The following HMGCL variants were observed in gnomAD, a reference collection of about 807,000 sequenced individuals.
The protein encoded by HMGCL is 3-hydroxy-3-methylglutaryl-CoA lyase, also known as hydroxymethylglutaryl-CoA lyase, mitochondrial.
HMGCL carries 26 observed loss-of-function variants against 37.3 expected under a neutral mutation model. That is an observed-to-expected ratio of 0.70 (90% CI 0.51 to 0.97). HMGCL has a LOEUF of 0.97. Among genes scored for constraint, HMGCL ranks in the 50% least tolerant of loss-of-function variants. HMGCL has a pLI of 0.00. For synonymous variants in HMGCL, 151 were observed against 148.0 expected, an observed-to-expected ratio of 1.02 and a Z score of -0.15; for missense variants, 379 against 398.1, an observed-to-expected ratio of 0.95 and a Z score of 0.41.
chr1:23,823,903 G>A (rs975943673), intron 1 of HMGCL, among the ~76,000 whole-genome samples: 1 of 149,832 alleles, frequency 6.7e-6, no homozygotes, highest in African/African-American at 2.5e-5. Flanking sequence ...AGAAATCTGA[G>A]ACCCAAAGAG....
chr1:23,815,382 C>T (rs1428218338), intron 4 of HMGCL, among the ~76,000 whole-genome samples: 1 of 152,044 alleles, frequency 6.6e-6, no homozygotes, highest in African/African-American at 2.4e-5. Context: ...CCAGAGGCCT[C>T]AGAAGGAACC....
At chr1:23,804,251 C>T in intron 8 of HMGCL, 149 bp downstream of exon 8, 2 of 893,932 alleles carry the variant, frequency 2.2e-6, no homozygotes, top group Non-Finnish European at 3.5e-6. Flanking sequence ...GCTGAGATTA[C>T]AGGCATGAGC....
intron 7 of HMGCL, 128 bp from the exon 8 acceptor site, chr1:23,804,653 TCTG>T: frequency 9.9e-7 from 1 of 1,007,434 alleles, no homozygotes; most frequent in Non-Finnish European, 1.5e-6. Flanking sequence ...GGCTTATGAT[TCTG>T]TTGACATGAC....
At position 23,802,464 on chromosome 1, in the gene HMGCL, C is replaced by T. The variant is rs1303767209; in HGVS notation, c.977G>A (p.Ter326=). 3 of 1,603,422 alleles carry T rather than the reference C, an allele frequency of 1.9e-6. No homozygotes were observed. The East Asian group carries it at 6.7e-5, about 36-fold the overall frequency. Residue 326 remains the stop codon, a stop_retained_variant, in exon 9 of 9, where the codon TGA becomes TAA. Transcript: ENST00000374490. ...CAGGGCTTCAGGTGGGCAAGGGGCT[C>T]AGAGTTTACAGGTAGCCTGAGCCAC... ...SKVAQATCKL[*]
intron 6 of HMGCL, chr1:23,809,985 T>G (rs1448160288): frequency 6.5e-6 from 1 of 153,574 alleles, no homozygotes. Context: ...CTGTGGGCCT[T>G]GGCAAGCAAC....
At chr1:23,804,355 CT>C in intron 8 of HMGCL, 44 bp downstream of exon 8, 10 of 1,613,104 alleles carry the variant, frequency 6.2e-6, no homozygotes, top group South Asian at 1.1e-5. Flanking sequence ...TTCAGGCCCC[CT>C]GGTCAGTTCG....
At chr1:23,808,548 C>G (rs964057492) in intron 6 of HMGCL, among the ~76,000 whole-genome samples, 10 of 152,206 alleles carry the variant, frequency 6.6e-5, no homozygotes, top group Admixed American at 3.9e-4. Flanking sequence ...AGCCAGCCCA[C>G]AGTCCTGAAG....
Position 23,820,429 on chromosome 1 carries a change from A to C in HMGCL, c.144+81T>G, listed in dbSNP as rs892005206. 3.1e-6 allele frequency: 3 copies of C among 966,650 alleles called. No homozygotes were observed. In the East Asian group the frequency reaches 7.2e-5, roughly 23 times the overall value. 59.9% of individuals were successfully genotyped at this position (966,650 alleles called of 1,614,324 possible). On this transcript the variant is annotated intron_variant, in intron 2 of 8. Coordinates refer to ENST00000374490, the MANE Select transcript of HMGCL (RefSeq NM_000191.3). ...GAATCACATCTTGCATAGCTCTGTCAACTGCCATTGCACCTATCACACGTA... is the reference window on the plus strand; with the variant it reads ...GAATCACATCTTGCATAGCTCTGTCCACTGCCATTGCACCTATCACACGTA...
chr1:23,815,188 C>T (rs900106514), intron 4 of HMGCL, among the ~76,000 whole-genome samples: 1 of 151,904 alleles, frequency 6.6e-6, no homozygotes, highest in African/African-American at 2.4e-5. Flanking sequence ...GCCTGGGCGA[C>T]AGAGCAAGAC....
Position 23,803,159 on chromosome 1 carries a change from C to T in HMGCL, c.877-595G>A, listed in dbSNP as rs960668095. The stretch of plus-strand genomic sequence containing the variant: ...AAGTGATTCTCCTGCCTCAGCCTCC[C>T]GAGTAGCTGGGGTTACAGGTGTGTG... On this transcript the variant is annotated intron_variant, in intron 8 of 8. Coordinates refer to ENST00000374490, the MANE Select transcript of HMGCL (RefSeq NM_000191.3). Among the ~76,000 whole-genome samples the T allele has an allele frequency of 6.6e-5, 10 of 152,254 alleles. No homozygotes were observed. In the East Asian group the frequency reaches 7.7e-4, roughly 12 times the overall value.
At chr1:23,811,572 C>T (rs550836165) in intron 5 of HMGCL, among the ~76,000 whole-genome samples, 6 of 152,220 alleles carry the variant, frequency 3.9e-5, no homozygotes, top group East Asian at 1.9e-4. Flanking sequence ...CGAGAGGAGC[C>T]GGGGGTGGTC....
intron 4 of HMGCL, among the ~76,000 whole-genome samples, chr1:23,815,590 G>A (rs999925080): frequency 6.6e-6 from 1 of 151,466 alleles, no homozygotes; most frequent in Non-Finnish European, 1.5e-5. Flanking sequence ...CCGCCTTCCG[G>A]GTTCAAGTGA....
chr1:23,816,386 AT>A (rs1638613684), intron 4 of HMGCL: 12 of 460,862 alleles, frequency 2.6e-5, no homozygotes, highest in Middle Eastern at 6.2e-4. Context: ...GCTAACATTT[AT>A]TAAGCAGTTA....
In HMGCL at chr1:23,817,540, AGCATGTCTAT is replaced by A. The variant is rs1259779697; in HGVS notation, c.178_187del (p.Ile60PhefsTer9). 2 of 1,613,876 alleles carry A rather than the reference AGCATGTCTAT, an allele frequency of 1.2e-6. No homozygotes were observed. Among genetic ancestry groups the A allele is most frequent in the South Asian group, 2.2e-5 (2 of 91,076 alleles). The stretch of plus-strand genomic sequence containing the variant: ...TATAACAGAGAGTCCTGCTTCAGAA[AGCATGTCTAT>A]CAGCTTGATTTTCACTGGAGTAGAT... On this transcript the variant is annotated frameshift_variant, in exon 3 of 9. Coordinates refer to ENST00000374490, the MANE Select transcript of HMGCL (RefSeq NM_000191.3). LOFTEE classifies it high-confidence loss of function.
chr1:23,810,185 G>A (rs575220035), intron 6 of HMGCL: 1 of 170,276 alleles, frequency 5.9e-6, no homozygotes, highest in Admixed American at 5.5e-5. Flanking sequence ...GCTTTGGAGA[G>A]AGAAAAAATG....
intron 2 of HMGCL, among the ~76,000 whole-genome samples, chr1:23,819,979 T>A (rs944535995): frequency 1.3e-5 from 2 of 152,198 alleles, no homozygotes; most frequent in African/African-American, 4.8e-5. Context: ...CCAACTTTCC[T>A]CATACTAAAT....
rs76988589 is a variant in HMGCL at position 23,823,416 on chromosome 1, G to A, written c.60+1940C>T. Reference sequence around the variant, plus strand: ...TCTCCAGGCTGGAGAGCAGTGGCGCGATCTTGGCTCACTGCAACCTTCACC... The same window carrying A: ...TCTCCAGGCTGGAGAGCAGTGGCGCAATCTTGGCTCACTGCAACCTTCACC... On this transcript the variant is annotated intron_variant, in intron 1 of 8. Coordinates refer to ENST00000374490, the MANE Select transcript of HMGCL (RefSeq NM_000191.3). 2.8e-4 allele frequency among the ~76,000 whole-genome samples: 43 copies of A among 151,784 alleles called. No individual in the cohort carries two copies. The East Asian group carries it at 5.9e-3, about 21-fold the overall frequency.
At position 23,804,470 on chromosome 1, in the gene HMGCL, G is replaced by A. The variant is rs761552111; in HGVS notation, c.806C>T (p.Ala269Val). The change falls in exon 8 of 9, where the codon GCA becomes GTA. Residue 269 changes from alanine (A) to valine (V), a missense_variant. Transcript: ENST00000374490. ...GGCCAAGTTTCCTGATGCCCCCTGTGCGTAGGGACAGCCTCCAAGTCCTGC... is the reference window on the plus strand; with the variant it reads ...GGCCAAGTTTCCTGATGCCCCCTGTACGTAGGGACAGCCTCCAAGTCCTGC... ...SVAGLGGCPY[A>V]QGASGNLATE... is the part of the protein sequence containing the mutation. 7 of 1,614,058 alleles carry A rather than the reference G, an allele frequency of 4.3e-6. No homozygotes were observed. The highest frequency in any genetic ancestry group is 5.1e-6 in the Non-Finnish European group (6 of 1,179,940).
intron 6 of HMGCL, 27 bp downstream of exon 6, chr1:23,810,699 CCCTCACCAAA>C: frequency 6.3e-7 from 1 of 1,599,630 alleles, no homozygotes; most frequent in South Asian, 1.1e-5. Flanking sequence ...AGGTGGCCAA[CCCTCACCAAA>C]CCCCCCGCCC....
Sources: gnomAD v4.1 joint callset for allele counts (sites outside exome capture counted in the v4.1 genomes callset) on GRCh38, gnomAD v4.1.1 for gene constraint, MANE v1.5 for transcripts, NCBI Gene and HGNC (gene_info 2026-07-23, HGNC 2026-07-21) for gene names.